The following SMARCC1 variants were observed in gnomAD, a reference collection of about 807,000 sequenced individuals.
SMARCC1 encodes SWI/SNF related BAF chromatin remodeling complex subunit C1.
SMARCC1 carries 43 observed loss-of-function variants against 147.4 expected under a neutral mutation model. The observed-to-expected ratio is 0.29, with a 90% CI of 0.23 to 0.38. The LOEUF (loss-of-function observed/expected upper bound fraction) is 0.38, where lower values mean the gene tolerates loss of function less well. Among genes scored for constraint, SMARCC1 ranks in the 10% least tolerant of loss-of-function variants. The pLI, the probability that SMARCC1 is intolerant of heterozygous loss-of-function variation, is 1.00. For synonymous variants in SMARCC1, 495 were observed against 484.4 expected, an observed-to-expected ratio of 1.02 and a Z score of -0.29; for missense variants, 1,119 against 1,381.1, an observed-to-expected ratio of 0.81 and a Z score of 3.01.
rs530609258 is a variant in SMARCC1, at chr3:47,657,953, A to G, written c.2320+3341T>C. Among the ~76,000 whole-genome samples, 15 of 152,228 alleles carry G rather than the reference A, an allele frequency of 9.9e-5. No homozygotes were observed. The East Asian group carries it at 2.3e-3, about 24-fold the overall frequency. On this transcript the variant is annotated intron_variant, in intron 21 of 27. Transcript: ENST00000254480. ...CCTACATTACTAAATAAGATCTCAA[A>G]TAACATACTCTACCTTAAAACAACC...
At chr3:47,605,718 A>G (rs2032461350) in intron 26 of SMARCC1, among the ~76,000 whole-genome samples, 1 of 152,202 alleles carries the variant, frequency 6.6e-6, no homozygotes, top group African/African-American at 2.4e-5. Context: ...GGCTGCAGTG[A>G]GCCCTGATAA....
intron 3 of SMARCC1, among the ~76,000 whole-genome samples, chr3:47,744,561 A>C (rs537906953): frequency 6.6e-6 from 1 of 152,318 alleles, no homozygotes; most frequent in African/African-American, 2.4e-5. Flanking sequence ...GGGTTAGCTT[A>C]ACTTTTAAAG....
chr3:47,780,158 G>GTTTTTTT (rs1251165275), intron 1 of SMARCC1, among the ~76,000 whole-genome samples: 1 of 51,566 alleles, frequency 1.9e-5, no homozygotes, highest in Non-Finnish European at 3.9e-5. Context: ...TGGGTCTTTG[G>GTTTTTTT]TTTTTTTTTG....
chr3:47,627,349 A>T (rs1405332506), intron 24 of SMARCC1, among the ~76,000 whole-genome samples: 2 of 151,968 alleles, frequency 1.3e-5, no homozygotes, highest in Admixed American at 6.6e-5. Context: ...GTAATTAATA[A>T]ACTTGTGGAT....
At chr3:47,715,733 CAG>C (rs1342548657) in intron 7 of SMARCC1, among the ~76,000 whole-genome samples, 1 of 152,162 alleles carries the variant, frequency 6.6e-6, no homozygotes, top group East Asian at 1.9e-4. Context: ...AATTATCTGA[CAG>C]AGACTCTGAC....
intron 26 of SMARCC1, among the ~76,000 whole-genome samples, chr3:47,601,459 G>A (rs573881315): frequency 2.6e-5 from 4 of 152,106 alleles, no homozygotes; most frequent in African/African-American, 7.2e-5. Flanking sequence ...ACAAAATCAG[G>A]GCCAAGTGAG....
At chr3:47,710,075 G>C (rs376682709) in intron 9 of SMARCC1, among the ~76,000 whole-genome samples, 133 of 152,260 alleles carry the variant, frequency 8.7e-4, no homozygotes, top group African/African-American at 2.6e-3. Flanking sequence ...CCAGCACTTT[G>C]AGAGGCCAAG....
At chr3:47,593,941 G>C (rs1387923250) in intron 26 of SMARCC1, among the ~76,000 whole-genome samples, 2 of 152,150 alleles carry the variant, frequency 1.3e-5, no homozygotes, top group Admixed American at 6.5e-5. Flanking sequence ...AAGGTGGGTG[G>C]ATCACCTGAG....
At chr3:47,666,071 T>TA (rs2033416821) in intron 19 of SMARCC1, among the ~76,000 whole-genome samples, 1 of 152,192 alleles carries the variant, frequency 6.6e-6, no homozygotes, top group South Asian at 2.1e-4. Context: ...TGTCATTATC[T>TA]TATGAAATTA....
In SMARCC1 at chr3:47,733,600, G is replaced by A. The variant is rs570685854; in HGVS notation, c.576+2434C>T. Among the ~76,000 whole-genome samples the A allele has an allele frequency of 4.0e-5, 6 of 150,482 alleles. No individual in the cohort carries two copies. The South Asian group carries it at 1.1e-3, about 27-fold the overall frequency. ...TACTAAAAAATAAAAAATTAGCAGC[G>A]CAAGGGCCAGGTGCGGTGGCTCATG... On this transcript the variant is annotated intron_variant, in intron 5 of 27. Transcript: ENST00000254480.
intron 1 of SMARCC1, 33 bp downstream of exon 1, chr3:47,781,570 G>C: frequency 1.4e-6 from 2 of 1,458,056 alleles, no homozygotes; most frequent in Non-Finnish European, 1.8e-6. Flanking sequence ...CCGGTCGCGT[G>C]GTCTCCCGGC....
At chr3:47,689,281 G>A (rs962779887) in intron 13 of SMARCC1, 106 bp downstream of exon 13, 1 of 868,062 alleles carries the variant, frequency 1.2e-6, no homozygotes, top group African/African-American at 1.7e-5. Flanking sequence ...AACCAGAAGG[G>A]CTTCATAGTC....
At chr3:47,679,621 A>C (rs1576409011) in intron 15 of SMARCC1, among the ~76,000 whole-genome samples, 1 of 152,136 alleles carries the variant, frequency 6.6e-6, no homozygotes. Context: ...TAGCACTTTG[A>C]GAGGCCGAGG....
chr3:47,659,577 TTGA>T (rs1300974712), intron 21 of SMARCC1, among the ~76,000 whole-genome samples: 1 of 152,018 alleles, frequency 6.6e-6, no homozygotes, highest in Non-Finnish European at 1.5e-5. Context: ...TGGACTGTGG[TTGA>T]TGATGATGTG....
At chr3:47,696,378 A>T (rs1052249498) in intron 11 of SMARCC1, among the ~76,000 whole-genome samples, 2 of 152,098 alleles carry the variant, frequency 1.3e-5, no homozygotes, top group Non-Finnish European at 2.9e-5. Flanking sequence ...TGTCTCAGAA[A>T]CAAAACAAAA....
At chr3:47,665,725 AAGG>A (rs528643096) in intron 19 of SMARCC1, among the ~76,000 whole-genome samples, 106 of 152,324 alleles carry the variant, frequency 7.0e-4, no homozygotes, top group African/African-American at 2.4e-3. Context: ...ACTGGCCAGG[AAGG>A]AGGATGATTC....
chr3:47,769,837 C>T (rs999623577), intron 2 of SMARCC1, among the ~76,000 whole-genome samples: 9 of 152,110 alleles, frequency 5.9e-5, no homozygotes, highest in Admixed American at 4.6e-4. Flanking sequence ...TCTGGAATAA[C>T]CAGATAACCA....
intron 22 of SMARCC1, 117 bp downstream of exon 22, chr3:47,638,608 C>A: frequency 1.4e-6 from 1 of 734,300 alleles, no homozygotes; most frequent in South Asian, 1.6e-5. Flanking sequence ...CAGCAAAGTC[C>A]AAGTAGCTGA....
At chr3:47,738,255 C>T (rs185066728) in intron 3 of SMARCC1, 145 bp from the exon 4 acceptor site, 257 of 563,922 alleles carry the variant, frequency 4.6e-4, no homozygotes, top group African/African-American at 4.4e-3. Context: ...CTCTCAGTAA[C>T]ATAAGAATAC....
Sources: gnomAD v4.1 joint callset for allele counts (sites outside exome capture counted in the v4.1 genomes callset) on GRCh38, gnomAD v4.1.1 for gene constraint, MANE v1.5 for transcripts, NCBI Gene and HGNC (gene_info 2026-07-23, HGNC 2026-07-21) for gene names.